The following PKIB variants were observed in gnomAD, a reference collection of about 807,000 sequenced individuals.
PKIB encodes the protein PKI-beta.
PKIB carries 2 observed loss-of-function variants against 4.5 expected under a neutral mutation model. The observed-to-expected ratio is 0.44, with a 90% confidence interval of 0.18 to 1.39. The LOEUF is 1.39. Among genes scored for constraint, PKIB ranks in the 40% most tolerant of loss-of-function variants. The pLI, the probability that PKIB is intolerant of heterozygous loss-of-function variation, is 0.27. For missense variants in PKIB, 94 were observed against 92.6 expected (o/e 1.02, Z -0.06); for synonymous variants, 38 against 36.0 (o/e 1.06, Z -0.20).
rs1778798855 is a variant in PKIB at position 122,701,166 on chromosome 6, G to T, written c.-8-16621G>T. 9.1e-6 allele frequency: 3 copies of T among 328,174 alleles called. No individual in the cohort carries two copies. In the East Asian group the frequency reaches 1.7e-4, roughly 19 times the overall value. 20.3% of individuals were successfully genotyped at this position (328,174 alleles called of 1,614,324 possible). ...AAGCAGCAGCAGAGGAGACCAGAAAGGTCACTACCTTTGCATGAACAACAA... is the reference window on the plus strand; with the variant it reads ...AAGCAGCAGCAGAGGAGACCAGAAATGTCACTACCTTTGCATGAACAACAA... On this transcript the variant is annotated intron_variant, in intron 3 of 4. Coordinates refer to ENST00000368452, the MANE Select transcript of PKIB (RefSeq NM_181795.3).
intron 2 of PKIB, among the ~76,000 whole-genome samples, chr6:122,546,553 G>A (rs759963686): frequency 1.3e-5 from 2 of 151,966 alleles, no homozygotes; most frequent in East Asian, 1.9e-4. Context: ...TAGACTTTTC[G>A]TGTTGTAATG....
At chr6:122,677,540 A>G (rs1299900472) in intron 3 of PKIB, among the ~76,000 whole-genome samples, 1 of 152,236 alleles carries the variant, frequency 6.6e-6, no homozygotes, top group Non-Finnish European at 1.5e-5. Context: ...TCTGCAGTGC[A>G]TACATTGAGA....
chr6:122,622,377 TA>T (rs1775274191), intron 1 of PKIB, among the ~76,000 whole-genome samples: 2 of 152,212 alleles, frequency 1.3e-5, no homozygotes, highest in African/African-American at 4.8e-5. Context: ...TTCTGACAGC[TA>T]CTCCAAAGAT....
chr6:122,656,247 T>A (rs1026058514), intron 2 of PKIB, among the ~76,000 whole-genome samples: 18 of 152,182 alleles, frequency 1.2e-4, no homozygotes, highest in Non-Finnish European at 1.5e-5. Context: ...AAAAGAATAG[T>A]GTGTTGTAGA....
At chr6:122,595,217 A>T (rs1296611146) in intron 3 of PKIB, among the ~76,000 whole-genome samples, 1 of 152,202 alleles carries the variant, frequency 6.6e-6, no homozygotes, top group Admixed American at 6.5e-5. Flanking sequence ...CATATATTGG[A>T]TGCTGATTCA....
intron 2 of PKIB, among the ~76,000 whole-genome samples, chr6:122,535,033 A>G (rs1481531607): frequency 6.6e-6 from 1 of 152,110 alleles, no homozygotes; most frequent in Non-Finnish European, 1.5e-5. Flanking sequence ...TAGTGAAAAT[A>G]GATGCATTTT....
chr6:122,603,977 T>C (rs932526540), intron 3 of PKIB, among the ~76,000 whole-genome samples: 4 of 152,182 alleles, frequency 2.6e-5, no homozygotes, highest in Admixed American at 2.6e-4. Context: ...TGTGTGTACT[T>C]ATGGTCAAAT....
intron 4 of PKIB, among the ~76,000 whole-genome samples, chr6:122,722,868 C>A (rs1360940599): frequency 6.6e-6 from 1 of 152,160 alleles, no homozygotes; most frequent in Non-Finnish European, 1.5e-5. Flanking sequence ...CTTTCTCTCA[C>A]CCTAATAAGA....
intron 2 of PKIB, among the ~76,000 whole-genome samples, chr6:122,673,764 T>C (rs766602561): frequency 2.2e-4 from 33 of 152,152 alleles, no homozygotes; most frequent in Non-Finnish European, 4.1e-4. Flanking sequence ...ACAAGACAAA[T>C]GAGTCACAGT....
intron 3 of PKIB, among the ~76,000 whole-genome samples, chr6:122,694,758 G>C (rs1179143981): frequency 1.3e-5 from 2 of 152,200 alleles, no homozygotes; most frequent in African/African-American, 4.8e-5. Flanking sequence ...CAGATGGATG[G>C]AGCAGAGTGC....
Position 122,471,947 on chromosome 6 carries a change from G to A in PKIB, c.-431G>A, listed in dbSNP as rs921308550. On this transcript the variant is annotated 5_prime_UTR_variant, in exon 1 of 7. Coordinates refer to the PKIB transcript ENST00000392491. ...CGCATGCGCGTCACTAGACGACACG[G>A]CTGTCTTCTTTCCTGGAGAATTTCT... is the stretch of plus-strand genomic sequence containing the variant. 45 of 1,143,322 alleles carry A rather than the reference G, an allele frequency of 3.9e-5. No homozygotes were observed. In the African/African-American group the frequency reaches 4.9e-4, roughly 12 times the overall value. 70.8% of individuals were successfully genotyped at this position (1,143,322 alleles called of 1,614,324 possible). A position where few individuals can be genotyped will look rare whatever the true frequency, so the allele number is the denominator to read the frequency against.
intron 2 of PKIB, among the ~76,000 whole-genome samples, chr6:122,641,739 G>T (rs1259074422): frequency 6.6e-6 from 1 of 152,070 alleles, no homozygotes; most frequent in Non-Finnish European, 1.5e-5. Flanking sequence ...TGTCACTCAG[G>T]CCAGAGGGCA....
chr6:122,483,818 G>A (rs1007908707), intron 2 of PKIB: 2 of 152,216 alleles, frequency 1.3e-5, no homozygotes, highest in African/African-American at 2.4e-5. Context: ...GTCCTTCCTT[G>A]TAGAAAGCGG....
intron 2 of PKIB, among the ~76,000 whole-genome samples, chr6:122,650,750 C>T (rs1436763597): frequency 6.6e-6 from 1 of 152,156 alleles, no homozygotes; most frequent in African/African-American, 2.4e-5. Flanking sequence ...TATTTCTCAC[C>T]ATCATGATGA....
intron 2 of PKIB, among the ~76,000 whole-genome samples, chr6:122,646,076 G>A (rs1192381139): frequency 6.6e-6 from 1 of 152,110 alleles, no homozygotes; most frequent in Non-Finnish European, 1.5e-5. Flanking sequence ...CAATATGGAG[G>A]TGTTATTATT....
intron 1 of PKIB, among the ~76,000 whole-genome samples, chr6:122,475,438 G>C (rs1582643871): frequency 6.6e-6 from 1 of 152,096 alleles, no homozygotes; most frequent in South Asian, 2.1e-4. Context: ...AGGATAGCTT[G>C]ATCACAGGAG....
At chr6:122,631,686 G>A (rs957832397) in intron 1 of PKIB, among the ~76,000 whole-genome samples, 5 of 152,152 alleles carry the variant, frequency 3.3e-5, no homozygotes, top group African/African-American at 7.2e-5. Context: ...TCACCTCCAG[G>A]AAAGGACATG....
At chr6:122,634,139 A>G (rs1485625087) in intron 2 of PKIB, among the ~76,000 whole-genome samples, 1 of 152,036 alleles carries the variant, frequency 6.6e-6, no homozygotes, top group African/African-American at 2.4e-5. Context: ...GTTCTCACTC[A>G]TAAGTAGGGA....
intron 3 of PKIB, among the ~76,000 whole-genome samples, chr6:122,602,632 T>A (rs1444309336): frequency 1.3e-5 from 2 of 152,044 alleles, no homozygotes; most frequent in African/African-American, 4.8e-5. Context: ...TAGGGTAAGT[T>A]GGCCAGGCGT....
Sources: allele counts gnomAD v4.1 joint callset (sites outside exome capture counted in the v4.1 genomes callset), GRCh38; gene constraint gnomAD v4.1.1; transcripts MANE v1.5; gene names NCBI Gene and HGNC (gene_info 2026-07-23, HGNC 2026-07-21).